ARHGAP44: variants seen among roughly 807,000 people sequenced by gnomAD.
The protein encoded by ARHGAP44 is rho GTPase-activating protein 44.
In ARHGAP44, 43 loss-of-function variants were observed where a neutral mutation model predicts 106.8. That is an observed-to-expected ratio of 0.40 (90% CI 0.32 to 0.52). The LOEUF is 0.52. Ranked by LOEUF, ARHGAP44 falls within the 20% of genes least tolerant of loss-of-function variation. The pLI is 0.48. For missense variants in ARHGAP44, 866 were observed against 1,050.5 expected (o/e 0.82, Z 2.43); for synonymous variants, 439 against 410.3 (o/e 1.07, Z -0.85).
At chr17:12,829,140 C>T (rs983455156) in intron 1 of ARHGAP44, among the ~76,000 whole-genome samples, 2 of 152,070 alleles carry the variant, frequency 1.3e-5, no homozygotes. Flanking sequence ...GTAGAACTCA[C>T]CTTAAAACTA....
At chr17:12,985,056 C>A in intron 20 of ARHGAP44, 148 bp downstream of exon 20, 1 of 1,004,252 alleles carries the variant, frequency 1.0e-6, no homozygotes, top group Non-Finnish European at 1.4e-6. Context: ...CATAAGATCT[C>A]CTTAGAAGCC....
Position 12,955,939 on chromosome 17 carries a change from A to G in ARHGAP44, c.1209A>G (p.Ala403=), listed in dbSNP as rs571956780. The G allele has an allele frequency of 6.2e-7, 1 of 1,613,404 alleles. No individual in the cohort carries two copies. Among genetic ancestry groups the G allele is most frequent in the African/African-American group, 1.3e-5 (1 of 74,888 alleles). ...ACAAGATGACTCCCAGTAATATGGC[A>G]ATTGTTTTAGGACCCAACCTCCTAT... is the stretch of plus-strand genomic sequence containing the variant. ...DVNKMTPSNM[A]IVLGPNLLWP... Residue 403 remains alanine (A), a synonymous_variant, in exon 14 of 21, where the codon GCA becomes GCG. Transcript: ENST00000379672.
At position 12,958,920 on chromosome 17, in the gene ARHGAP44, C is replaced by G; in HGVS notation, c.1523+23C>G. On this transcript the variant is annotated intron_variant, in intron 16 of 20. Transcript: ENST00000379672. This position sits in a 1 kb window ranked among gnomAD's most constrained non-coding sequence, Gnocchi z 4.1. ...TGGGTATGAACTGGTGTCTCTTTCT[C>G]AGCACTGGGGATTAGGGGAGGTGGT... 6.3e-7 allele frequency: 1 copy of G among 1,591,578 alleles called. No individual in the cohort carries two copies. The highest frequency in any genetic ancestry group is 8.6e-7 in the Non-Finnish European group (1 of 1,168,688).
chr17:12,986,266 T>A (rs2039953789), intron 20 of ARHGAP44: 1 of 152,190 alleles, frequency 6.6e-6, no homozygotes, highest in Non-Finnish European at 1.5e-5. Flanking sequence ...TTGGTGGGTC[T>A]TGGTGCTGAG....
In ARHGAP44 at chr17:12,949,353, G is replaced by A; in HGVS notation, c.973+102G>A. On this transcript the variant is annotated intron_variant, in intron 11 of 20. Transcript: ENST00000379672. This position sits in a 1 kb window ranked among gnomAD's most constrained non-coding sequence, Gnocchi z 4.1. ...GTCCAGGACACTCAAGTCAGTGGCT[G>A]CCCAAAGCACTTCAGATGTGTCCAC... 7.9e-7 allele frequency: 1 copy of A among 1,273,710 alleles called. No individual in the cohort carries two copies. The highest frequency in any genetic ancestry group is 1.5e-5 in the African/African-American group (1 of 67,794). 78.9% of individuals were successfully genotyped at this position (1,273,710 alleles called of 1,614,324 possible).
intron 1 of ARHGAP44, among the ~76,000 whole-genome samples, chr17:12,866,204 G>A (rs1333776923): frequency 1.3e-5 from 2 of 152,120 alleles, no homozygotes; most frequent in Non-Finnish European, 2.9e-5. Context: ...ATGATTTTAG[G>A]GGTTGGAAGT....
chr17:12,871,431 A>G (rs757427848), intron 1 of ARHGAP44, among the ~76,000 whole-genome samples: 1 of 152,184 alleles, frequency 6.6e-6, no homozygotes, highest in African/African-American at 2.4e-5. Flanking sequence ...CACAGGCTCT[A>G]TAGGAAGTGT....
rs9901938 is a variant in ARHGAP44 at position 12,897,152 on chromosome 17, T to G, written c.198+641T>G. ...CATCCCTCTCAGCCCCACCAAAGAT[T>G]AAAAGATATTCTTAGACATTCACTT... On this transcript the variant is annotated intron_variant, in intron 3 of 20. Transcript: ENST00000379672. 1.9e-3 allele frequency among the ~76,000 whole-genome samples: 291 copies of G among 152,308 alleles called. 1 individual carries two copies. Among genetic ancestry groups the G allele is most frequent in the African/African-American group, 6.6e-3 (276 of 41,566 alleles).
At chr17:12,863,005 A>AT in intron 1 of ARHGAP44, among the ~76,000 whole-genome samples, 1 of 149,308 alleles carries the variant, frequency 6.7e-6, no homozygotes, top group Admixed American at 6.7e-5. Flanking sequence ...ATAAAAAAAA[A>AT]GGCCGAGCAC....
intron 16 of ARHGAP44, among the ~76,000 whole-genome samples, chr17:12,962,158 G>A (rs1390599187): frequency 6.6e-6 from 1 of 152,042 alleles, no homozygotes; most frequent in Non-Finnish European, 1.5e-5. Context: ...CAGAAAAACT[G>A]GGTAAAATTG....
chr17:12,932,051 A>T (rs772391761), intron 7 of ARHGAP44, among the ~76,000 whole-genome samples: 4 of 152,172 alleles, frequency 2.6e-5, no homozygotes, highest in Non-Finnish European at 5.9e-5. Context: ...TGACATTTTT[A>T]GGTCAGAGTC....
At position 12,949,877 on chromosome 17, in the gene ARHGAP44, G is replaced by C; in HGVS notation, c.1055+147G>C. On this transcript the variant is annotated intron_variant, in intron 12 of 20. Coordinates refer to ENST00000379672, the MANE Select transcript of ARHGAP44 (RefSeq NM_014859.6). This position sits in a 1 kb window ranked among gnomAD's most constrained non-coding sequence, Gnocchi z 4.1. ...GAGTGCTTATACATTTGCCCAAGGA[G>C]GCAGGTCCAGGGATATTGATGGTAG... The C allele has an allele frequency of 1.4e-6, 1 of 721,464 alleles. No homozygotes were observed. The highest frequency in any genetic ancestry group is 2.3e-6 in the Non-Finnish European group (1 of 440,308). The allele number at this position is 721,464 out of a possible 1,614,324, so 44.7% of individuals were successfully genotyped here.
chr17:12,819,175 C>T (rs2034687102), intron 1 of ARHGAP44, among the ~76,000 whole-genome samples: 2 of 152,088 alleles, frequency 1.3e-5, no homozygotes, highest in African/African-American at 4.8e-5. Flanking sequence ...GAGAATGGAT[C>T]TCACATAAAT....
At chr17:12,916,654 G>T (rs150507065) in intron 5 of ARHGAP44, among the ~76,000 whole-genome samples, 1,680 of 152,306 alleles carry the variant, frequency 0.011, 35 homozygotes, top group African/African-American at 0.039. Flanking sequence ...CAAAGTGCTG[G>T]GATTATAGGC....
intron 7 of ARHGAP44, among the ~76,000 whole-genome samples, chr17:12,933,156 T>C (rs572432080): frequency 6.6e-6 from 1 of 152,342 alleles, no homozygotes; most frequent in East Asian, 1.9e-4. Context: ...CTACCTTGGT[T>C]TTCCTACCTC....
chr17:12,841,651 C>CAAAAA (rs1266398652), intron 1 of ARHGAP44, among the ~76,000 whole-genome samples: 5 of 146,394 alleles, frequency 3.4e-5, no homozygotes, highest in East Asian at 2.0e-4. Context: ...AACAAACAAA[C>CAAAAA]AAAAACCACA....
intron 2 of ARHGAP44, among the ~76,000 whole-genome samples, chr17:12,895,227 C>T (rs2037169147): frequency 6.6e-6 from 1 of 152,128 alleles, no homozygotes; most frequent in African/African-American, 2.4e-5. Flanking sequence ...CCAGCTGCTC[C>T]TTACGAACTG....
intron 1 of ARHGAP44, among the ~76,000 whole-genome samples, chr17:12,815,685 C>T (rs528404170): frequency 6.6e-6 from 1 of 152,206 alleles, no homozygotes. Flanking sequence ...CCAAATTGGC[C>T]GTTGGGTGGT....
chr17:12,809,259 A>G (rs1489335964), intron 1 of ARHGAP44, among the ~76,000 whole-genome samples: 3 of 152,106 alleles, frequency 2.0e-5, no homozygotes, highest in Non-Finnish European at 4.4e-5. Flanking sequence ...CCCAGTTCCA[A>G]AGTCACTTCC....
Sources: allele counts gnomAD v4.1 joint callset (sites outside exome capture counted in the v4.1 genomes callset), GRCh38; gene constraint gnomAD v4.1.1; non-coding constraint Gnocchi (gnomAD v3.1); transcripts MANE v1.5; gene names NCBI Gene and HGNC (gene_info 2026-07-23, HGNC 2026-07-21).